The following UMODL1 variants were observed in gnomAD, a reference collection of about 807,000 sequenced individuals.
The protein encoded by UMODL1 is uromodulin-like 1.
Under a neutral mutation model 136.3 loss-of-function variants are expected in UMODL1, and 128 were observed. The observed-to-expected ratio is 0.94, with a 90% CI of 0.81 to 1.09. UMODL1 has a LOEUF of 1.09. Among genes scored for constraint, UMODL1 ranks in the 50% least tolerant of loss-of-function variants. The pLI, the probability that UMODL1 is intolerant of heterozygous loss-of-function variation, is 0.00. For synonymous variants in UMODL1, 721 were observed against 720.0 expected (o/e 1.00, Z -0.02); for missense variants, 1,766 against 1,725.6 (o/e 1.02, Z -0.41).
intron 20 of UMODL1, among the ~76,000 whole-genome samples, chr21:42,129,385 G>A (rs2067103672): frequency 6.6e-6 from 1 of 152,162 alleles, no homozygotes; most frequent in Admixed American, 6.5e-5. Flanking sequence ...GGGACTCTGA[G>A]GGCTGTGACC....
rs1601261741 is a variant in UMODL1, at chr21:42,123,811, T to C, written c.3147+661T>C. Among the ~76,000 whole-genome samples the C allele has an allele frequency of 6.8e-6, 1 of 146,340 alleles. No homozygotes were observed. The highest frequency in any genetic ancestry group is 2.1e-4 in the South Asian group (1 of 4,810). ...TGAGTGTGTATGTATGGGTGTGTGT[T>C]TGGGGGGCATTGGATGGCATTAGTC... On this transcript the variant is annotated intron_variant, in intron 17 of 22. Coordinates refer to ENST00000408910, the MANE Select transcript of UMODL1 (RefSeq NM_001004416.3). The surrounding 1 kb of genome is among the most constrained non-coding windows in gnomAD (Gnocchi z 4.4).
At chr21:42,115,756 G>A in intron 13 of UMODL1, 117 bp from the exon 14 acceptor site, 1 of 746,898 alleles carries the variant, frequency 1.3e-6, no homozygotes, top group Non-Finnish European at 2.2e-6. Context: ...CTAGAACACG[G>A]GTTGGCTTTG....
intron 6 of UMODL1, among the ~76,000 whole-genome samples, chr21:42,095,635 C>CAGGGT (rs2066549200): frequency 6.6e-6 from 1 of 152,188 alleles, no homozygotes; most frequent in South Asian, 2.1e-4. Context: ...TCGTAGGTTG[C>CAGGGT]AGGGATTAGG....
rs189367687 is a variant in UMODL1 at position 42,137,145 on chromosome 21, C to T, written c.3776-294C>T. 3.5e-3 allele frequency among the ~76,000 whole-genome samples: 539 copies of T among 152,346 alleles called. 1 individual carries two copies. Among genetic ancestry groups the T allele is most frequent in the Middle Eastern group, 0.01 (3 of 294 alleles). On this transcript the variant is annotated intron_variant, in intron 21 of 22. Transcript: ENST00000408910. ...GCCTGTGTAGGCCCAACCCGTGTGT[C>T]CATGCAGGGAATCTGACTGGGCTCT... is the stretch of plus-strand genomic sequence containing the variant.
At chr21:42,136,764 T>C (rs557355753) in intron 21 of UMODL1, among the ~76,000 whole-genome samples, 15 of 152,262 alleles carry the variant, frequency 9.9e-5, no homozygotes, top group Non-Finnish European at 2.1e-4. Context: ...GTTTTGTTTT[T>C]TCTTTCTTTT....
Position 42,111,339 on chromosome 21 carries a change from G to T in UMODL1, c.1900-167G>T, listed in dbSNP as rs1437965883. The T allele has an allele frequency of 6.2e-6, 10 of 1,605,100 alleles. No homozygotes were observed. The highest frequency in any genetic ancestry group is 6.8e-6 in the Non-Finnish European group (8 of 1,176,924). On this transcript the variant is annotated intron_variant, in intron 11 of 22. Transcript: ENST00000408910. ...TCCAGCCAGGGGAGCCCCAGCCAGGGGAGCCCCAGCCAGGAGAGCCCCAGC... is the reference window on the plus strand; with the variant it reads ...TCCAGCCAGGGGAGCCCCAGCCAGGTGAGCCCCAGCCAGGAGAGCCCCAGC...
At chr21:42,109,304 A>G (rs898405014) in intron 9 of UMODL1, among the ~76,000 whole-genome samples, 1 of 152,186 alleles carries the variant, frequency 6.6e-6, no homozygotes, top group African/African-American at 2.4e-5. Flanking sequence ...AGAGGGCTAC[A>G]TGCACACCCA....
At chr21:42,079,758 C>T (rs2066338488) in intron 2 of UMODL1, among the ~76,000 whole-genome samples, 1 of 152,228 alleles carries the variant, frequency 6.6e-6, no homozygotes, top group Non-Finnish European at 1.5e-5. Flanking sequence ...GCGCCTCCAC[C>T]ACCATGGCAC....
At chr21:42,113,538 G>C (rs753610246) in intron 12 of UMODL1, 35 bp from the exon 13 acceptor site, 1 of 1,585,726 alleles carries the variant, frequency 6.3e-7, no homozygotes, top group South Asian at 1.1e-5. Flanking sequence ...GAAATGGCTT[G>C]ATTGTAATTT....
At chr21:42,111,804 C>A (rs2066836253) in intron 12 of UMODL1, 94 bp downstream of exon 12, 2 of 1,271,948 alleles carry the variant, frequency 1.6e-6, no homozygotes, top group African/African-American at 1.5e-5. Flanking sequence ...CGTGGAGTCG[C>A]AGGCTGCTAG....
intron 12 of UMODL1, 104 bp downstream of exon 12, chr21:42,111,814 G>A: frequency 8.4e-7 from 1 of 1,190,634 alleles, no homozygotes; most frequent in Non-Finnish European, 1.1e-6. Flanking sequence ...CAGGCTGCTA[G>A]CAATGCTCAG....
At chr21:42,072,280 C>T (rs138542478) in intron 1 of UMODL1, among the ~76,000 whole-genome samples, 170 of 152,214 alleles carry the variant, frequency 1.1e-3, no homozygotes, top group African/African-American at 3.8e-3. Context: ...AATGGGACTG[C>T]GGAATTTTAA....
intron 22 of UMODL1, among the ~76,000 whole-genome samples, chr21:42,137,947 C>T (rs1443758913): frequency 6.6e-6 from 1 of 152,080 alleles, no homozygotes; most frequent in Admixed American, 6.5e-5. Context: ...AGCCTCCCTT[C>T]TGAAAAAGCA....
chr21:42,124,812 G>T (rs1253163995), intron 17 of UMODL1, among the ~76,000 whole-genome samples: 1 of 152,152 alleles, frequency 6.6e-6, no homozygotes, highest in Non-Finnish European at 1.5e-5. Context: ...ATTGGTTGGG[G>T]TGGTGCCCTG....
At chr21:42,130,238 G>A (rs1218746367) in intron 21 of UMODL1, among the ~76,000 whole-genome samples, 1 of 151,076 alleles carries the variant, frequency 6.6e-6, no homozygotes, top group Non-Finnish European at 1.5e-5. Context: ...GTGTGTGTGT[G>A]TGTGTGTGCG....
At chr21:42,077,285 G>A (rs981446691) in intron 2 of UMODL1, among the ~76,000 whole-genome samples, 5 of 151,902 alleles carry the variant, frequency 3.3e-5, no homozygotes, top group African/African-American at 1.2e-4. Flanking sequence ...CATCCTTGTG[G>A]CCTGAGACTG....
chr21:42,081,425 G>A (rs1293656550), intron 2 of UMODL1, among the ~76,000 whole-genome samples: 1 of 152,158 alleles, frequency 6.6e-6, no homozygotes, highest in Non-Finnish European at 1.5e-5. Flanking sequence ...CATTGAGTTA[G>A]GGACGAAGGA....
intron 21 of UMODL1, among the ~76,000 whole-genome samples, chr21:42,135,168 G>A (rs539476382): frequency 1.3e-5 from 2 of 152,332 alleles, no homozygotes; most frequent in South Asian, 2.1e-4. Context: ...CAACGGTCAC[G>A]ATGCATACAC....
chr21:42,100,652 C>G (rs1294503935), intron 7 of UMODL1, among the ~76,000 whole-genome samples: 1 of 152,048 alleles, frequency 6.6e-6, no homozygotes, highest in Non-Finnish European at 1.5e-5. Context: ...CAGAACCATC[C>G]TCCAGGGTAC....
Sources: gnomAD v4.1 joint callset for allele counts (sites outside exome capture counted in the v4.1 genomes callset) on GRCh38, gnomAD v4.1.1 for gene constraint, Gnocchi (gnomAD v3.1) non-coding constraint, MANE v1.5 for transcripts, NCBI Gene and HGNC (gene_info 2026-07-23, HGNC 2026-07-21) for gene names.